The following ITPRIPL2 variants were observed in gnomAD, a reference collection of about 807,000 sequenced individuals.
The protein encoded by ITPRIPL2 is inositol 1,4,5-trisphosphate receptor-interacting protein-like 2.
A neutral mutation model predicts 31.7 loss-of-function variants in ITPRIPL2; 29 were observed. That is an observed-to-expected ratio of 0.91 (90% confidence interval 0.68 to 1.25). The LOEUF is 1.25. ITPRIPL2 is among the 50% of genes most tolerant of loss of function. The probability of loss-of-function intolerance (pLI) is 0.00; values close to 1 mark genes in which losing one functional copy is unlikely to be tolerated. For synonymous variants in ITPRIPL2, 344 were observed against 343.4 expected, an observed-to-expected ratio of 1.00 and a Z score of -0.02; for missense variants, 696 against 739.1, an observed-to-expected ratio of 0.94 and a Z score of 0.68.
chr16:19,114,334 G>C lies in ITPRIPL2; in HGVS notation c.-128G>C, dbSNP rs952261982. 1.6e-5 allele frequency: 11 copies of C among 681,868 alleles called. No individual in the cohort carries two copies. Among genetic ancestry groups the C allele is most frequent in the Non-Finnish European group, 2.1e-5 (10 of 485,732 alleles). The allele number at this position is 681,868 out of a possible 1,614,324, so 42.2% of individuals were successfully genotyped here. A position where few individuals can be genotyped will look rare whatever the true frequency, so the allele number is the denominator to read the frequency against. On this transcript the variant is annotated 5_prime_UTR_variant, in exon 1 of 1. Transcript: ENST00000381440. The stretch of plus-strand genomic sequence containing the variant: ...GGCGGCCTCCCTCGGGCCTGCGTTC[G>C]GGAAGCCGCCGCGGAGGAGGAGACG...
At position 19,118,830 on chromosome 16, in the gene ITPRIPL2, T is replaced by C. The variant is rs1293967912; in HGVS notation, c.*2761T>C. 4.9e-6 allele frequency: 2 copies of C among 410,766 alleles called. No homozygotes were observed. The highest frequency in any genetic ancestry group is 8.9e-6 in the Non-Finnish European group (2 of 225,040). 25.4% of individuals were successfully genotyped at this position (410,766 alleles called of 1,614,324 possible). A position where few individuals can be genotyped will look rare whatever the true frequency, so the allele number is the denominator to read the frequency against. On this transcript the variant is annotated 3_prime_UTR_variant, in exon 1 of 1. Coordinates refer to ENST00000381440, the MANE Select transcript of ITPRIPL2 (RefSeq NM_001034841.4). ...TGTACTGTGTACAACGGAAATAATA[T>C]GGCATATTAGCCAGGCATGATGGTT...
chr16:19,114,874 G>T lies in ITPRIPL2; in HGVS notation c.413G>T (p.Gly138Val), dbSNP rs1394828771. The change falls in exon 1 of 1, where the codon GGG becomes GTG. Residue 138 changes from glycine (G) to valine (V), a missense_variant. Physicochemically the swap from Gly to Val is moderately radical, Grantham distance 109. Coordinates refer to ENST00000381440, the MANE Select transcript of ITPRIPL2 (RefSeq NM_001034841.4). ...GELVRAGRAR[G>V]SPGLIPGGAL... Reference sequence around the variant, plus strand: ...CTGGTGCGGGCTGGCCGCGCCCGGGGGTCCCCCGGTCTCATTCCTGGGGGA... The same window carrying T: ...CTGGTGCGGGCTGGCCGCGCCCGGGTGTCCCCCGGTCTCATTCCTGGGGGA... 6.2e-7 allele frequency: 1 copy of T among 1,605,852 alleles called. No homozygotes were observed. Among genetic ancestry groups the T allele is most frequent in the African/African-American group, 1.3e-5 (1 of 74,886 alleles).
rs115540266 is a variant in ITPRIPL2 at position 19,117,072 on chromosome 16, A to C, written c.*1003A>C. The C allele has an allele frequency of 6.0e-6, 1 of 167,154 alleles. No individual in the cohort carries two copies. Among genetic ancestry groups the C allele is most frequent in the African/African-American group, 2.4e-5 (1 of 41,474 alleles). The allele number at this position is 167,154 out of a possible 1,614,324, so 10.4% of individuals were successfully genotyped here. A position where few individuals can be genotyped will look rare whatever the true frequency, so the allele number is the denominator to read the frequency against. ...CTTTGCCTGTAAAGGTGTTTCTCCA[A>C]GGCTGGCTGCTGGCTGGAGACAGAA... On this transcript the variant is annotated 3_prime_UTR_variant, in exon 1 of 1. Coordinates refer to ENST00000381440, the MANE Select transcript of ITPRIPL2 (RefSeq NM_001034841.4).
Position 19,114,883 on chromosome 16 carries a change from G to C in ITPRIPL2, c.422G>C (p.Gly141Ala), listed in dbSNP as rs752786525. ...VRAGRARGSP[G>A]LIPGGALALA... ...GCTGGCCGCGCCCGGGGGTCCCCCG[G>C]TCTCATTCCTGGGGGAGCGCTGGCC... The change falls in exon 1 of 1, where the codon GGT becomes GCT. Residue 141 changes from glycine to alanine, a missense_variant. Gly to Ala is a moderately conservative substitution (Grantham distance 60). Transcript: ENST00000381440. 10 of 1,607,964 alleles carry C rather than the reference G, an allele frequency of 6.2e-6. No individual in the cohort carries two copies. The East Asian group carries it at 2.0e-4, about 32-fold the overall frequency.
rs1333192981 is a variant in ITPRIPL2, at chr16:19,115,584, T to G, written c.1123T>G (p.Cys375Gly). The change falls in exon 1 of 1, where the codon TGC becomes GGC. Residue 375 changes from cysteine to glycine, a missense_variant. Transcript: ENST00000381440. ...AGCTCCAGGTGCCTGCTACCTCAAGTGCCTGCAGTTGCTTAAGGCTCTGCG... is the reference window on the plus strand; with the variant it reads ...AGCTCCAGGTGCCTGCTACCTCAAGGGCCTGCAGTTGCTTAAGGCTCTGCG... ...RAAPGACYLK[C>G]LQLLKALRDL... The G allele has an allele frequency of 6.2e-7, 1 of 1,605,372 alleles. No homozygotes were observed.
Position 19,119,144 on chromosome 16 carries a change from G to A in ITPRIPL2, c.*3075G>A. Reference sequence around the variant, plus strand: ...GGGAGCCTTCCTGGAATGATCGTGGGCTGAGCGGAGATGTTTTTTGCAAAA... The same window carrying A: ...GGGAGCCTTCCTGGAATGATCGTGGACTGAGCGGAGATGTTTTTTGCAAAA... On this transcript the variant is annotated 3_prime_UTR_variant, in exon 1 of 1. Coordinates refer to ENST00000381440, the MANE Select transcript of ITPRIPL2 (RefSeq NM_001034841.4). The A allele has an allele frequency of 2.4e-6, 1 of 413,260 alleles. No homozygotes were observed. Among genetic ancestry groups the A allele is most frequent in the Non-Finnish European group, 4.4e-6 (1 of 226,074 alleles). 25.6% of individuals were successfully genotyped at this position (413,260 alleles called of 1,614,324 possible).
rs3743955 is a variant in ITPRIPL2, at chr16:19,121,125, A to C, written c.*5056A>C. 20,006 of 166,768 alleles carry C rather than the reference A, an allele frequency of 0.12. 2,935 individuals carry two copies. The highest frequency in any genetic ancestry group is 0.36 in the African/African-American group (15,013 of 41,326). 10.3% of individuals were successfully genotyped at this position (166,768 alleles called of 1,614,324 possible). A position where few individuals can be genotyped will look rare whatever the true frequency, so the allele number is the denominator to read the frequency against. On this transcript the variant is annotated 3_prime_UTR_variant, in exon 1 of 1. Transcript: ENST00000381440. Reference sequence around the variant, plus strand: ...ACATAGCACATGACTGGGGGGATAAAGCATGTATAAGTTGGGAGAGGGTAA... The same window carrying C: ...ACATAGCACATGACTGGGGGGATAACGCATGTATAAGTTGGGAGAGGGTAA...
Position 19,115,489 on chromosome 16 carries a change from C to T in ITPRIPL2, c.1028C>T (p.Ala343Val), listed in dbSNP as rs770603533. The T allele has an allele frequency of 3.7e-6, 6 of 1,606,684 alleles. No individual in the cohort carries two copies. The highest frequency in any genetic ancestry group is 2.2e-5 in the South Asian group (2 of 91,020). The stretch of plus-strand genomic sequence containing the variant: ...TTGGAGCTCCCTGAGGGCCTGCGTG[C>T]GGAGGCACTGTGGGGTGTGAACACA... ...PLLELPEGLRAEALWGVNTAR... is the reference protein window; with the variant it reads ...PLLELPEGLRVEALWGVNTAR... Residue 343 changes from alanine (A) to valine (V), a missense_variant, in exon 1 of 1, where the codon GCG (alanine) becomes GTG (valine). Ala to Val is a moderately conservative substitution (Grantham distance 64). Transcript: ENST00000381440.
At position 19,114,738 on chromosome 16, in the gene ITPRIPL2, C is replaced by G. The variant is rs895223555; in HGVS notation, c.277C>G (p.Arg93Gly). ...GHAAFSSRHF[R>G]EPGLSILLES... is the part of the protein sequence containing the mutation. ...CGCCGCCTTCTCCTCGAGACACTTCCGAGAGCCGGGCCTCAGCATCCTGCT... is the reference window on the plus strand; with the variant it reads ...CGCCGCCTTCTCCTCGAGACACTTCGGAGAGCCGGGCCTCAGCATCCTGCT... Residue 93 changes from arginine to glycine, a missense_variant, in exon 1 of 1, where the codon CGA becomes GGA. Transcript: ENST00000381440. 1 of 1,612,776 alleles carries G rather than the reference C, an allele frequency of 6.2e-7. No homozygotes were observed. Among genetic ancestry groups the G allele is most frequent in the Non-Finnish European group, 8.5e-7 (1 of 1,179,906 alleles).
Position 19,114,871 on chromosome 16 carries a change from G to A in ITPRIPL2, c.410G>A (p.Arg137Gln). The change falls in exon 1 of 1, where the codon CGG becomes CAG. Residue 137 changes from arginine to glutamine, a missense_variant. Transcript: ENST00000381440. ...VGELVRAGRARGSPGLIPGGA... is the reference protein window; with the variant it reads ...VGELVRAGRAQGSPGLIPGGA... ...GAGCTGGTGCGGGCTGGCCGCGCCC[G>A]GGGGTCCCCCGGTCTCATTCCTGGG... 1 of 1,605,186 alleles carries A rather than the reference G, an allele frequency of 6.2e-7. No homozygotes were observed. The highest frequency in any genetic ancestry group is 8.5e-7 in the Non-Finnish European group (1 of 1,176,470).
Position 19,120,909 on chromosome 16 carries a change from C to T in ITPRIPL2, c.*4840C>T, listed in dbSNP as rs1041439853. 1 of 166,852 alleles carries T rather than the reference C, an allele frequency of 6.0e-6. No individual in the cohort carries two copies. Among genetic ancestry groups the T allele is most frequent in the African/African-American group, 2.4e-5 (1 of 41,338 alleles). The allele number at this position is 166,852 out of a possible 1,614,324, so 10.3% of individuals were successfully genotyped here. ...TTTTCTGTAACATGTGGCTTTTGAC[C>T]TTGATGAAGACTTTGACTTCTCATC... On this transcript the variant is annotated 3_prime_UTR_variant, in exon 1 of 1. Transcript: ENST00000381440.
rs1248708235 is a variant in ITPRIPL2 at position 19,120,625 on chromosome 16, A to ATATATATATATATATATATT, written c.*4557_*4558insATATATATATATATATATTT. The ATATATATATATATATATATT allele has an allele frequency of 3.3e-5, 3 of 92,188 alleles. No homozygotes were observed. Among genetic ancestry groups the ATATATATATATATATATATT allele is most frequent in the African/African-American group, 1.5e-4 (3 of 20,006 alleles). The allele number at this position is 92,188 out of a possible 1,614,324, so 5.7% of individuals were successfully genotyped here. On this transcript the variant is annotated 3_prime_UTR_variant, in exon 1 of 1. Transcript: ENST00000381440. ...CTAATATATATATATATATATATATATTTTTTTTTTTTTTTTTTAGTAGAG... is the reference window on the plus strand; with the variant it reads ...CTAATATATATATATATATATATATATATATATATATATATATATTTTTTTTTTTTTTTTTTTTAGTAGAG...
In ITPRIPL2 at chr16:19,114,322, G is replaced by C; in HGVS notation, c.-140G>C. On this transcript the variant is annotated 5_prime_UTR_variant, in exon 1 of 1. Transcript: ENST00000381440. ...GCCGAGCTGGAGGGCGGCCTCCCTC[G>C]GGCCTGCGTTCGGGAAGCCGCCGCG... is the stretch of plus-strand genomic sequence containing the variant. 1 of 524,034 alleles carries C rather than the reference G, an allele frequency of 1.9e-6. No individual in the cohort carries two copies. The allele number at this position is 524,034 out of a possible 1,614,324, so 32.5% of individuals were successfully genotyped here. A position where few individuals can be genotyped will look rare whatever the true frequency, so the allele number is the denominator to read the frequency against.
At position 19,114,777 on chromosome 16, in the gene ITPRIPL2, G is replaced by A. The variant is rs761942141; in HGVS notation, c.316G>A (p.Glu106Lys). 1.2e-6 allele frequency: 2 copies of A among 1,612,278 alleles called. No homozygotes were observed. The highest frequency in any genetic ancestry group is 2.7e-5 in the African/African-American group (2 of 75,040). ...GLSILLESYY[E>K]HEVRLSPHVL... is the part of the protein sequence containing the mutation. ...CAGCATCCTGCTGGAGAGTTACTAC[G>A]AGCATGAGGTGCGCCTGTCTCCGCA... The change falls in exon 1 of 1, where the codon GAG (glutamate) becomes AAG (lysine). Residue 106 changes from glutamate to lysine, a missense_variant. Coordinates refer to ENST00000381440, the MANE Select transcript of ITPRIPL2 (RefSeq NM_001034841.4).
Position 19,119,182 on chromosome 16 carries a change from TGAAA to T in ITPRIPL2, c.*3119_*3122del. 1 of 412,018 alleles carries T rather than the reference TGAAA, an allele frequency of 2.4e-6. No individual in the cohort carries two copies. The highest frequency in any genetic ancestry group is 4.4e-6 in the Non-Finnish European group (1 of 225,770). The allele number at this position is 412,018 out of a possible 1,614,324, so 25.5% of individuals were successfully genotyped here. ...GTTTTTTGCAAAATGAAACTGAAGC[TGAAA>T]GAAAGGAGAATTCGAGTGAACCAAG... is the stretch of plus-strand genomic sequence containing the variant. On this transcript the variant is annotated 3_prime_UTR_variant, in exon 1 of 1. Transcript: ENST00000381440.
Position 19,115,416 on chromosome 16 carries a change from G to GT in ITPRIPL2, c.956dup (p.Phe320LeufsTer20), listed in dbSNP as rs1223083156. The GT allele has an allele frequency of 6.2e-7, 1 of 1,611,666 alleles. No homozygotes were observed. The highest frequency in any genetic ancestry group is 8.5e-7 in the Non-Finnish European group (1 of 1,179,992). ...CCCCGCTGTCCATCTGGGAGATGGG[G>GT]TCTTCCTTGTGGCGCCACCACCGCC... is the stretch of plus-strand genomic sequence containing the variant. On this transcript the variant is annotated frameshift_variant, in exon 1 of 1. Transcript: ENST00000381440. LOFTEE classifies it high-confidence loss of function.
chr16:19,116,331 G>C lies in ITPRIPL2; in HGVS notation c.*262G>C. 2.2e-6 allele frequency: 1 copy of C among 461,684 alleles called. No homozygotes were observed. Among genetic ancestry groups the C allele is most frequent in the Non-Finnish European group, 3.9e-6 (1 of 253,580 alleles). The allele number at this position is 461,684 out of a possible 1,614,324, so 28.6% of individuals were successfully genotyped here. A position where few individuals can be genotyped will look rare whatever the true frequency, so the allele number is the denominator to read the frequency against. On this transcript the variant is annotated 3_prime_UTR_variant, in exon 1 of 1. Coordinates refer to ENST00000381440, the MANE Select transcript of ITPRIPL2 (RefSeq NM_001034841.4). ...AGACCCAAGAATTGGTTCAAATATT[G>C]TTCTGTGTAGACGGATTCTGTAGAA...
Position 19,114,500 on chromosome 16 carries a change from G to T in ITPRIPL2, c.39G>T (p.Trp13Cys). 6.9e-7 allele frequency: 1 copy of T among 1,452,376 alleles called. No individual in the cohort carries two copies. 90.0% of individuals were successfully genotyped at this position (1,452,376 alleles called of 1,614,324 possible). ...VHYTLNLRVF[W>C]PLVTGLCTAL... ...ACACCCTCAATCTACGCGTCTTCTG[G>T]CCCCTGGTGACCGGCCTGTGCACCG... The change falls in exon 1 of 1, where the codon TGG (tryptophan) becomes TGT (cysteine). Residue 13 changes from tryptophan to cysteine, a missense_variant. Coordinates refer to ENST00000381440, the MANE Select transcript of ITPRIPL2 (RefSeq NM_001034841.4).
Position 19,115,098 on chromosome 16 carries a change from G to A in ITPRIPL2, c.637G>A (p.Ala213Thr). The A allele has an allele frequency of 6.2e-7, 1 of 1,600,582 alleles. No homozygotes were observed. Among genetic ancestry groups the A allele is most frequent in the Admixed American group, 1.7e-5 (1 of 60,010 alleles). ...FRGCFLCALK[A>T]PPSPSGASGG... ...CGGCTGCTTCTTGTGCGCCCTCAAG[G>A]CACCACCCTCACCATCGGGGGCCTC... is the stretch of plus-strand genomic sequence containing the variant. The change falls in exon 1 of 1, where the codon GCA becomes ACA. Residue 213 changes from alanine (A) to threonine (T), a missense_variant. Physicochemically the swap from Ala to Thr is moderately conservative, Grantham distance 58. Coordinates refer to ENST00000381440, the MANE Select transcript of ITPRIPL2 (RefSeq NM_001034841.4).
Sources: allele counts gnomAD v4.1 joint callset, GRCh38; gene constraint gnomAD v4.1.1; transcripts MANE v1.5; gene names NCBI Gene and HGNC (gene_info 2026-07-23, HGNC 2026-07-21).